PRKD3: variants seen among roughly 807,000 people sequenced by gnomAD.
The protein encoded by PRKD3 is serine/threonine-protein kinase D3.
In PRKD3, 47 loss-of-function variants were observed where a neutral mutation model predicts 99.2. That is an observed-to-expected ratio of 0.47 (90% CI 0.38 to 0.60). PRKD3 has a LOEUF of 0.60. Ranked by LOEUF, PRKD3 falls within the 20% of genes least tolerant of loss-of-function variation. The pLI, the probability that PRKD3 is intolerant of heterozygous loss-of-function variation, is 0.00. For synonymous variants in PRKD3, 392 were observed against 355.4 expected, an observed-to-expected ratio of 1.10 and a Z score of -1.16; for missense variants, 1,019 against 1,088.4, an observed-to-expected ratio of 0.94 and a Z score of 0.90.
At position 37,313,624 on chromosome 2, in the gene PRKD3, A is replaced by C. The variant is rs148872642; in HGVS notation, c.288+2613T>G. 1.9e-4 allele frequency among the ~76,000 whole-genome samples: 29 copies of C among 152,374 alleles called. 1 individual carries two copies. The East Asian group carries it at 4.8e-3, about 25-fold the overall frequency. On this transcript the variant is annotated intron_variant, in intron 2 of 18. Transcript: ENST00000234179. ...CTTTACATAGGAAAACAGAGAGGTC[A>C]TAAGTAAAGCATGTGAAAAGATATC... is the stretch of plus-strand genomic sequence containing the variant.
chr2:37,313,084 C>A (rs986684657), intron 2 of PRKD3, among the ~76,000 whole-genome samples: 3 of 152,132 alleles, frequency 2.0e-5, no homozygotes, highest in Non-Finnish European at 4.4e-5. Flanking sequence ...TGATCAGATG[C>A]ATATTATATA....
chr2:37,265,215 G>T (rs1668756201), intron 14 of PRKD3, among the ~76,000 whole-genome samples: 1 of 152,172 alleles, frequency 6.6e-6, no homozygotes, highest in Non-Finnish European at 1.5e-5. Flanking sequence ...GATACAGTTG[G>T]ATGGGGAAGA....
intron 2 of PRKD3, among the ~76,000 whole-genome samples, chr2:37,309,081 G>A (rs940475497): frequency 7.2e-5 from 11 of 152,212 alleles, no homozygotes; most frequent in African/African-American, 2.6e-4. Context: ...AACTGGAGAA[G>A]TAAAAATTAC....
Position 37,290,963 on chromosome 2 carries a change from T to C in PRKD3, c.464A>G (p.His155Arg). ...TTTGTAAGAATGTACATAGAGAGTA[T>C]GTGGACGAATCTGGAAGTCTTCTAC... is the stretch of plus-strand genomic sequence containing the variant. ...ATVEDFQIRPHTLYVHSYKAP... is the reference protein window; with the variant it reads ...ATVEDFQIRPRTLYVHSYKAP... Residue 155 changes from histidine (H) to arginine (R), a missense_variant, in exon 4 of 19, where the codon CAT becomes CGT. Physicochemically the swap from His to Arg is conservative, Grantham distance 29 (BLOSUM62 0). Around this residue, in one of 3 missense-constraint regions of PRKD3, gnomAD observed 710 missense variants for 692.7 expected, o/e 1.02. Coordinates refer to ENST00000234179, the MANE Select transcript of PRKD3 (RefSeq NM_005813.6). 6.2e-7 allele frequency: 1 copy of C among 1,608,426 alleles called. No individual in the cohort carries two copies. Among genetic ancestry groups the C allele is most frequent in the Non-Finnish European group, 8.5e-7 (1 of 1,175,494 alleles).
chr2:37,272,310 A>G, intron 12 of PRKD3, 70 bp downstream of exon 12: 2 of 1,568,420 alleles, frequency 1.3e-6, no homozygotes, highest in Non-Finnish European at 1.7e-6. Flanking sequence ...TTTCTCTAAT[A>G]AAGATTTTCA....
At chr2:37,293,566 A>C (rs545718310) in intron 2 of PRKD3, among the ~76,000 whole-genome samples, 4 of 152,226 alleles carry the variant, frequency 2.6e-5, no homozygotes, top group Admixed American at 6.5e-5. Flanking sequence ...TATAATCTTA[A>C]ACTTACTGCT....
At chr2:37,258,991 T>C (rs1464501182) in intron 16 of PRKD3, among the ~76,000 whole-genome samples, 1 of 151,986 alleles carries the variant, frequency 6.6e-6, no homozygotes, top group Non-Finnish European at 1.5e-5. Flanking sequence ...GTTTCAGAAT[T>C]TGGGTTATGA....
chr2:37,298,479 A>G lies in PRKD3; in HGVS notation c.289-5208T>C, dbSNP rs983740559. 8.5e-5 allele frequency among the ~76,000 whole-genome samples: 13 copies of G among 152,188 alleles called. 1 individual carries two copies. The South Asian group carries it at 1.9e-3, about 22-fold the overall frequency. ...CCCATCTAAGTATATAATCTTAACC[A>G]AGTTACTTAACCTCAGTTTTTCCAT... is the stretch of plus-strand genomic sequence containing the variant. On this transcript the variant is annotated intron_variant, in intron 2 of 18. Transcript: ENST00000234179.
intron 9 of PRKD3, among the ~76,000 whole-genome samples, chr2:37,277,251 T>C (rs970996884): frequency 1.3e-5 from 2 of 152,168 alleles, no homozygotes; most frequent in African/African-American, 4.8e-5. Context: ...TATTAGGTGG[T>C]TACCATTATT....
chr2:37,278,010 G>T, intron 8 of PRKD3, 21 bp from the exon 9 acceptor site: 1 of 1,576,490 alleles, frequency 6.3e-7, no homozygotes. Flanking sequence ...TTTAAAATTT[G>T]TAAGTTTGTG....
At chr2:37,293,405 TA>T in intron 2 of PRKD3, 134 bp from the exon 3 acceptor site, 1 of 816,912 alleles carries the variant, frequency 1.2e-6, no homozygotes, top group Non-Finnish European at 1.7e-6. Context: ...TATTGATACC[TA>T]AAAGGTGATC....
intron 1 of PRKD3, among the ~76,000 whole-genome samples, chr2:37,321,729 T>A (rs1204848524): frequency 6.6e-6 from 1 of 152,114 alleles, no homozygotes; most frequent in African/African-American, 2.4e-5. Flanking sequence ...CAAGAGGTGA[T>A]ATGGCAGAGT....
At chr2:37,318,414 G>A (rs754227348) in intron 1 of PRKD3, among the ~76,000 whole-genome samples, 19 of 152,196 alleles carry the variant, frequency 1.2e-4, no homozygotes, top group Non-Finnish European at 1.9e-4. Flanking sequence ...AGCACAAGGC[G>A]ATAACGCAAC....
At chr2:37,293,102 A>T in intron 3 of PRKD3, 31 bp downstream of exon 3, 1 of 1,519,670 alleles carries the variant, frequency 6.6e-7, no homozygotes, top group East Asian at 2.3e-5. Context: ...TGAGGGGAAA[A>T]GGCAATCACT....
In PRKD3 at chr2:37,303,180, GAGA is replaced by G. The variant is rs755922723; in HGVS notation, c.289-9912_289-9910del. 9.9e-5 allele frequency among the ~76,000 whole-genome samples: 15 copies of G among 152,098 alleles called. No individual in the cohort carries two copies. The East Asian group carries it at 2.5e-3, about 26-fold the overall frequency. On this transcript the variant is annotated intron_variant, in intron 2 of 18. Coordinates refer to ENST00000234179, the MANE Select transcript of PRKD3 (RefSeq NM_005813.6). ...ATCGGGAAGAGCCGCTGGACCTCAG[GAGA>G]AGATTACCTGCCCGTCCCGTCCCCT...
chr2:37,255,102 G>A (rs533914619), intron 17 of PRKD3, among the ~76,000 whole-genome samples: 5 of 152,332 alleles, frequency 3.3e-5, no homozygotes, highest in Admixed American at 1.3e-4. Context: ...CTAGCAAAGT[G>A]ATTCTGATAG....
intron 7 of PRKD3, 123 bp from the exon 8 acceptor site, chr2:37,280,052 CT>C: frequency 1.7e-6 from 1 of 591,862 alleles, no homozygotes; most frequent in Non-Finnish European, 2.7e-6. Flanking sequence ...TAAAGTATTT[CT>C]CTTTTTTTTT....
chr2:37,289,110 CA>C (rs1670261166), intron 5 of PRKD3, among the ~76,000 whole-genome samples: 1 of 149,620 alleles, frequency 6.7e-6, no homozygotes, highest in Non-Finnish European at 1.5e-5. Flanking sequence ...GTATGGAGAC[CA>C]GGAGCCAGGA....
intron 2 of PRKD3, among the ~76,000 whole-genome samples, chr2:37,310,359 A>T (rs2124890413): frequency 6.6e-6 from 1 of 152,346 alleles, no homozygotes; most frequent in South Asian, 2.1e-4. Context: ...GCATTTTAGA[A>T]ACATATCATT....
Sources: allele counts gnomAD v4.1 joint callset (sites outside exome capture counted in the v4.1 genomes callset), GRCh38; gene constraint gnomAD v4.1.1; regional missense constraint gnomAD v4.1.1; transcripts MANE v1.5; gene names NCBI Gene and HGNC (gene_info 2026-07-23, HGNC 2026-07-21).